Variants in ST7L observed in about 807,000 individuals in gnomAD.
The protein encoded by ST7L is suppression of tumorigenicity 7 like.
A neutral mutation model predicts 72.5 loss-of-function variants in ST7L; 57 were observed. That is an observed-to-expected ratio of 0.79 (90% CI 0.64 to 0.98). ST7L has a LOEUF of 0.98. ST7L is among the 50% of genes least tolerant of loss of function. The pLI is 0.00. For missense variants in ST7L, 576 were observed against 672.2 expected, an observed-to-expected ratio of 0.86 and a Z score of 1.58; for synonymous variants, 221 against 240.9, an observed-to-expected ratio of 0.92 and a Z score of 0.77.
At chr1:112,568,831 G>A (rs1296625127) in intron 11 of ST7L, among the ~76,000 whole-genome samples, 1 of 137,884 alleles carries the variant, frequency 7.3e-6, no homozygotes, top group South Asian at 2.2e-4. Flanking sequence ...GCAACATAGG[G>A]AGACCCTGTT....
At chr1:112,590,225 C>T (rs1293560695) in intron 6 of ST7L, among the ~76,000 whole-genome samples, 2 of 152,148 alleles carry the variant, frequency 1.3e-5, no homozygotes, top group Non-Finnish European at 2.9e-5. Context: ...AAAATAAGGT[C>T]CATTCCACTT....
intron 14 of ST7L, among the ~76,000 whole-genome samples, chr1:112,538,588 G>A (rs1183190618): frequency 6.6e-6 from 1 of 152,116 alleles, no homozygotes; most frequent in Non-Finnish European, 1.5e-5. Context: ...CAAGTGATCC[G>A]CCTGCCTTGG....
At chr1:112,613,889 C>T (rs1321426307) in intron 2 of ST7L, among the ~76,000 whole-genome samples, 3 of 151,888 alleles carry the variant, frequency 2.0e-5, no homozygotes, top group Non-Finnish European at 2.9e-5. Flanking sequence ...CACCACAACG[C>T]GCTAAATTTT....
intron 5 of ST7L, among the ~76,000 whole-genome samples, chr1:112,592,409 A>G (rs535508161): frequency 4.6e-5 from 7 of 152,318 alleles, no homozygotes; most frequent in African/African-American, 1.4e-4. Context: ...TGGAAACAAA[A>G]TATTAGTCTC....
intron 14 of ST7L, chr1:112,539,599 T>G: frequency 1.4e-6 from 1 of 704,802 alleles, no homozygotes; most frequent in African/African-American, 2.0e-5. Context: ...GAGGTTGCAG[T>G]GAGCTGAGAT....
At position 112,601,376 on chromosome 1, in the gene ST7L, G is replaced by C. The variant is rs538955602; in HGVS notation, c.452-528C>G. On this transcript the variant is annotated intron_variant, in intron 3 of 14. Coordinates refer to ENST00000358039, the MANE Select transcript of ST7L (RefSeq NM_017744.5). ...TTCTCCAGCCTCAGCCTCCCGAGTA[G>C]CTGAGACGACAGGCGCCTGCCACCA... Among the ~76,000 whole-genome samples the C allele has an allele frequency of 2.9e-4, 44 of 152,196 alleles. No individual in the cohort carries two copies. The East Asian group carries it at 7.7e-3, about 27-fold the overall frequency.
intron 14 of ST7L, chr1:112,529,063 C>G (rs1180663878): frequency 6.6e-6 from 1 of 152,120 alleles, no homozygotes; most frequent in East Asian, 1.9e-4. Flanking sequence ...GGATAAAAAC[C>G]ATAAGGGCAA....
chr1:112,618,923 T>C lies in ST7L; in HGVS notation c.191A>G (p.Glu64Gly), dbSNP rs778378456. The part of the protein sequence containing the change: ...YALRIPLRLC[E>G]NLAAVTVFLN... ...GGTCCTCTCACCCGCTGCCAAATTC[T>C]CACACAGCCTCAAAGGGATCCTCAG... The change falls in exon 1 of 15, where the codon GAG (glutamate) becomes GGG (glycine). Residue 64 changes from glutamate to glycine, a missense_variant. Physicochemically the swap from Glu to Gly is moderately conservative, Grantham distance 98. Around this residue, in one of 3 missense-constraint regions of ST7L, gnomAD observed 511 missense variants for 600.7 expected, o/e 0.85. Transcript: ENST00000358039. 2 of 1,564,594 alleles carry C rather than the reference T, an allele frequency of 1.3e-6. No homozygotes were observed. The highest frequency in any genetic ancestry group is 2.7e-5 in the African/African-American group (2 of 73,276).
chr1:112,528,927 G>A (rs1653906175), intron 14 of ST7L: 1 of 152,190 alleles, frequency 6.6e-6, no homozygotes, highest in Non-Finnish European at 1.5e-5. Flanking sequence ...AGCAGCCAAA[G>A]AAGGAGACAA....
intron 4 of ST7L, among the ~76,000 whole-genome samples, chr1:112,599,595 C>T (rs1396439585): frequency 2.0e-5 from 3 of 152,066 alleles, no homozygotes; most frequent in African/African-American, 4.8e-5. Flanking sequence ...AAATAGGAAG[C>T]GGCAATATGA....
intron 11 of ST7L, among the ~76,000 whole-genome samples, chr1:112,575,520 C>T (rs1662963241): frequency 6.6e-6 from 1 of 152,120 alleles, no homozygotes; most frequent in African/African-American, 2.4e-5. Flanking sequence ...CACTATGATA[C>T]CATGACAGTC....
intron 3 of ST7L, among the ~76,000 whole-genome samples, chr1:112,608,464 T>C (rs1204374749): frequency 6.6e-6 from 1 of 152,188 alleles, no homozygotes; most frequent in Non-Finnish European, 1.5e-5. Context: ...GTATCATATA[T>C]AAGATACTCT....
chr1:112,604,618 C>T (rs1570598217), intron 3 of ST7L, among the ~76,000 whole-genome samples: 1 of 151,864 alleles, frequency 6.6e-6, no homozygotes, highest in East Asian at 1.9e-4. Flanking sequence ...CCTAGCAAGG[C>T]AAATTCCATT....
intron 6 of ST7L, among the ~76,000 whole-genome samples, chr1:112,588,101 C>G (rs1665137415): frequency 2.0e-5 from 3 of 152,120 alleles, no homozygotes; most frequent in African/African-American, 7.2e-5. Context: ...TCAGATTGTT[C>G]ATTGCTAGGA....
intron 3 of ST7L, among the ~76,000 whole-genome samples, chr1:112,609,953 T>A (rs983902164): frequency 6.6e-6 from 1 of 151,906 alleles, no homozygotes; most frequent in African/African-American, 2.4e-5. Flanking sequence ...CTGAAAAAAA[T>A]TTTTTTTCCT....
At chr1:112,562,688 T>TCCAGCA (rs1359860485) in intron 11 of ST7L, among the ~76,000 whole-genome samples, 2 of 151,864 alleles carry the variant, frequency 1.3e-5, no homozygotes, top group African/African-American at 4.8e-5. Context: ...TGGCAAAGAG[T>TCCAGCA]AAGGCTGGAG....
chr1:112,596,167 A>G (rs1666450200), intron 5 of ST7L, among the ~76,000 whole-genome samples: 1 of 152,230 alleles, frequency 6.6e-6, no homozygotes, highest in Non-Finnish European at 1.5e-5. Context: ...AAGCATATAA[A>G]CATAAATCTA....
intron 11 of ST7L, among the ~76,000 whole-genome samples, chr1:112,558,447 G>A (rs1217802899): frequency 1.3e-5 from 2 of 152,082 alleles, no homozygotes; most frequent in African/African-American, 2.4e-5. Flanking sequence ...CAATATACAT[G>A]TACTCCTCAT....
At position 112,618,964 on chromosome 1, in the gene ST7L, C is replaced by T. The variant is rs1012474640; in HGVS notation, c.150G>A (p.Leu50=). 3.7e-6 allele frequency: 6 copies of T among 1,602,116 alleles called. No homozygotes were observed. The highest frequency in any genetic ancestry group is 5.1e-6 in the Non-Finnish European group (6 of 1,174,458). Residue 50 remains leucine (L), a synonymous_variant, in exon 1 of 15, where the codon CTG becomes CTA. Transcript: ENST00000358039. ...GGATCCTCAGGGCGTAAAGCAGCCC[C>T]AGCCCCGCCACGAACCACAACGAGG... is the stretch of plus-strand genomic sequence containing the variant. ...TGASLWFVAG[L]GLLYALRIPL...
Sources: allele counts gnomAD v4.1 joint callset (sites outside exome capture counted in the v4.1 genomes callset), GRCh38; gene constraint gnomAD v4.1.1; regional missense constraint gnomAD v4.1.1; transcripts MANE v1.5; gene names NCBI Gene and HGNC (gene_info 2026-07-23, HGNC 2026-07-21).